Variants in PAM observed in about 807,000 individuals in gnomAD.
The protein encoded by PAM is peptidylglycine alpha-amidating monooxygenase, also known as peptidyl-glycine alpha-amidating monooxygenase.
In PAM, 72 loss-of-function variants were observed where a neutral mutation model predicts 122.1. That is an observed-to-expected ratio of 0.59 (90% CI 0.49 to 0.72). The LOEUF (loss-of-function observed/expected upper bound fraction) is 0.72. Ranked by LOEUF, PAM falls within the 30% of genes least tolerant of loss-of-function variation. The pLI is 0.00. For synonymous variants in PAM, 389 were observed against 404.4 expected (o/e 0.96, Z 0.46); for missense variants, 1,106 against 1,183.7 (o/e 0.93, Z 0.96).
rs577217239 is a variant in PAM, at chr5:103,028,207, G to T, written c.2712G>T (p.Thr904=). ...AFGDSEHKLE[T]SSGRVLGRFR... ...CAGATTCTGAACACAAACTCGAGAC[G>T]AGTTCAGGAAGAGTACTGGGAAGAT... Residue 904 remains threonine, a synonymous_variant, in exon 25 of 26, where the codon ACG becomes ACT. Coordinates refer to ENST00000438793, the MANE Select transcript of PAM (RefSeq NM_001177306.2). 6.2e-7 allele frequency: 1 copy of T among 1,612,794 alleles called. No homozygotes were observed. Among genetic ancestry groups the T allele is most frequent in the Non-Finnish European group, 8.5e-7 (1 of 1,178,958 alleles).
intron 15 of PAM, among the ~76,000 whole-genome samples, chr5:102,979,061 C>CACACAT (rs1491446364): frequency 6.7e-6 from 1 of 149,180 alleles, no homozygotes; most frequent in African/African-American, 2.5e-5. Flanking sequence ...CACACACACA[C>CACACAT]GCACACACAC....
chr5:102,891,883 A>T (rs1432546620), intron 3 of PAM, among the ~76,000 whole-genome samples: 1 of 151,862 alleles, frequency 6.6e-6, no homozygotes, highest in African/African-American at 2.4e-5. Context: ...TGATGAATAA[A>T]CTTAGAATGC....
chr5:102,788,490 A>G (rs550792769), intron 1 of PAM, among the ~76,000 whole-genome samples: 1 of 152,282 alleles, frequency 6.6e-6, no homozygotes, highest in South Asian at 2.1e-4. Context: ...ATTCACATTT[A>G]AGAATTTTAA....
Position 102,948,374 on chromosome 5 carries a change from G to T in PAM, c.576-4G>T, listed in dbSNP as rs776086395. 3.2e-6 allele frequency: 5 copies of T among 1,553,726 alleles called. No individual in the cohort carries two copies. The highest frequency in any genetic ancestry group is 1.7e-5 in the Admixed American group (1 of 57,934). The stretch of plus-strand genomic sequence containing the variant: ...TTTTAGAAAAATGTTATTTTTTTCT[G>T]CAGACAGCCTTTAATTGCTGGCATG... On this transcript the variant is annotated splice_polypyrimidine_tract_variant and splice_region_variant and intron_variant, in intron 8 of 25. Coordinates refer to ENST00000438793, the MANE Select transcript of PAM (RefSeq NM_001177306.2).
At chr5:103,025,076 G>T in intron 23 of PAM, 55 bp from the exon 24 acceptor site, 1 of 1,255,660 alleles carries the variant, frequency 8.0e-7, no homozygotes, top group Non-Finnish European at 1.2e-6. Context: ...GGTGGGTAAG[G>T]GGGTTTTGAA....
intron 7 of PAM, among the ~76,000 whole-genome samples, chr5:102,946,365 T>C (rs545413508): frequency 6.6e-6 from 1 of 152,112 alleles, no homozygotes; most frequent in South Asian, 2.1e-4. Context: ...TATTTTGAAA[T>C]AATATATGAA....
intron 15 of PAM, among the ~76,000 whole-genome samples, chr5:102,986,711 T>C (rs1771938843): frequency 2.0e-5 from 3 of 152,146 alleles, no homozygotes; most frequent in African/African-American, 7.2e-5. Context: ...GCTCCCACAA[T>C]TCCCATGTGT....
At chr5:102,843,289 G>A (rs951699083) in intron 1 of PAM, among the ~76,000 whole-genome samples, 2 of 152,044 alleles carry the variant, frequency 1.3e-5, no homozygotes, top group African/African-American at 2.4e-5. Context: ...TTGAGACTAC[G>A]TCTTAAAACT....
At chr5:102,968,183 A>T (rs2150352512) in intron 14 of PAM, among the ~76,000 whole-genome samples, 1 of 152,302 alleles carries the variant, frequency 6.6e-6, no homozygotes, top group East Asian at 1.9e-4. Flanking sequence ...AGCTCAGAAG[A>T]TGGTTAATTT....
intron 23 of PAM, among the ~76,000 whole-genome samples, chr5:103,022,390 A>G (rs1161149062): frequency 2.6e-5 from 4 of 152,062 alleles, no homozygotes; most frequent in Non-Finnish European, 5.9e-5. Flanking sequence ...TTCCTGTCCA[A>G]GTTATTCCAA....
intron 21 of PAM, among the ~76,000 whole-genome samples, chr5:103,014,323 G>A (rs1384615134): frequency 6.6e-6 from 1 of 152,152 alleles, no homozygotes; most frequent in African/African-American, 2.4e-5. Flanking sequence ...GCTTTCATCA[G>A]ATGTTAGGCA....
At chr5:103,017,282 A>G in intron 21 of PAM, 52 bp from the exon 22 acceptor site, 1 of 1,097,462 alleles carries the variant, frequency 9.1e-7, no homozygotes, top group Non-Finnish European at 1.4e-6. Flanking sequence ...CTTTTCATGA[A>G]GGATTCAAGT....
intron 21 of PAM, among the ~76,000 whole-genome samples, chr5:103,010,210 T>C (rs1382013771): frequency 3.3e-5 from 5 of 152,176 alleles, no homozygotes; most frequent in Non-Finnish European, 5.9e-5. Context: ...TTCATCCAAG[T>C]AGAGAAAACA....
At chr5:102,803,514 T>C (rs562482047) in intron 1 of PAM, among the ~76,000 whole-genome samples, 2 of 152,070 alleles carry the variant, frequency 1.3e-5, no homozygotes, top group Admixed American at 1.3e-4. Context: ...TCTCTGGCTG[T>C]GATGAGAAGC....
rs73192764 is a variant in PAM, at chr5:102,880,215, A to T, written c.210+12822A>T. Among the ~76,000 whole-genome samples the T allele has an allele frequency of 7.3e-3, 1,105 of 152,092 alleles. 15 individuals carry two copies. The highest frequency in any genetic ancestry group is 0.025 in the African/African-American group (1,054 of 41,478). On this transcript the variant is annotated intron_variant, in intron 3 of 25. Coordinates refer to ENST00000438793, the MANE Select transcript of PAM (RefSeq NM_001177306.2). ...AGGATCCCTTAAGCCTGGGAGATGG[A>T]GGTTGCAGTGAGCTAAGAGTGTGCT...
At chr5:102,867,700 G>A (rs925032201) in intron 3 of PAM, among the ~76,000 whole-genome samples, 7 of 152,106 alleles carry the variant, frequency 4.6e-5, no homozygotes, top group Non-Finnish European at 7.4e-5. Flanking sequence ...ATGCAAGTAC[G>A]CATTAAAATA....
In PAM at chr5:102,974,211, T is replaced by A. The variant is rs1371175559; in HGVS notation, c.1258T>A (p.Ser420Thr). The A allele has an allele frequency of 1.9e-6, 3 of 1,613,528 alleles. No homozygotes were observed. The highest frequency in any genetic ancestry group is 2.2e-5 in the East Asian group (1 of 44,848). ...TCCTACAGAAAAGGCAGAATCAGAG[T>A]CAGACCTGGTAGCTGAGATTGCAAA... ...YNPTEKAESE[S>T]DLVAEIANVV... Residue 420 changes from serine to threonine, a missense_variant, in exon 15 of 26, where the codon TCA (serine) becomes ACA (threonine). Physicochemically the swap from Ser to Thr is moderately conservative, Grantham distance 58. Coordinates refer to ENST00000438793, the MANE Select transcript of PAM (RefSeq NM_001177306.2).
intron 12 of PAM, among the ~76,000 whole-genome samples, chr5:102,952,196 G>A (rs1016610358): frequency 2.6e-5 from 4 of 152,016 alleles, no homozygotes; most frequent in African/African-American, 9.7e-5. Context: ...TTTTTGCCTA[G>A]AGGGCTCTTT....
At chr5:102,925,404 G>A (rs962018667) in intron 6 of PAM, among the ~76,000 whole-genome samples, 10 of 152,188 alleles carry the variant, frequency 6.6e-5, no homozygotes, top group Admixed American at 5.2e-4. Flanking sequence ...ATTTTTTACA[G>A]TCCTGGAACC....
Sources: gnomAD v4.1 joint callset for allele counts (sites outside exome capture counted in the v4.1 genomes callset) on GRCh38, gnomAD v4.1.1 for gene constraint, MANE v1.5 for transcripts, NCBI Gene and HGNC (gene_info 2026-07-23, HGNC 2026-07-21) for gene names.